KCNH8: variants seen among roughly 807,000 people sequenced by gnomAD.
The protein encoded by KCNH8 is voltage-gated delayed rectifier potassium channel KCNH8.
KCNH8 carries 70 observed loss-of-function variants against 103.6 expected under a neutral mutation model. The ratio of observed to expected loss-of-function variants is 0.68; its 90% confidence interval spans 0.56 to 0.82. The LOEUF is 0.82. Among genes scored for constraint, KCNH8 ranks in the 40% least tolerant of loss-of-function variants. KCNH8 has a pLI of 0.00. For synonymous variants in KCNH8, 498 were observed against 489.4 expected (o/e 1.02, Z -0.23); for missense variants, 1,217 against 1,329.9 (o/e 0.92, Z 1.32).
chr3:19,160,616 G>T (rs1275085355), intron 1 of KCNH8, among the ~76,000 whole-genome samples: 1 of 152,066 alleles, frequency 6.6e-6, no homozygotes, highest in Non-Finnish European at 1.5e-5. Flanking sequence ...TGCTTTCCAT[G>T]ATTTCAATTA....
At chr3:19,451,016 A>G in intron 9 of KCNH8, 139 bp from the exon 10 acceptor site, 1 of 760,868 alleles carries the variant, frequency 1.3e-6, no homozygotes, top group Non-Finnish European at 2.2e-6. Flanking sequence ...AGGATTATAC[A>G]TACTTAGATT....
intron 3 of KCNH8, among the ~76,000 whole-genome samples, chr3:19,292,662 C>T (rs929035611): frequency 1.3e-5 from 2 of 152,154 alleles, no homozygotes; most frequent in African/African-American, 4.8e-5. Context: ...TACTGGTGGG[C>T]ACTCAGGCTC....
At chr3:19,332,288 C>G (rs960819161) in intron 3 of KCNH8, among the ~76,000 whole-genome samples, 1 of 152,150 alleles carries the variant, frequency 6.6e-6, no homozygotes, top group Admixed American at 6.6e-5. Flanking sequence ...CCTACTACTG[C>G]TAGTCTGTTC....
chr3:19,414,239 A>G (rs1470579946), intron 7 of KCNH8, among the ~76,000 whole-genome samples: 1 of 152,140 alleles, frequency 6.6e-6, no homozygotes, highest in Non-Finnish European at 1.5e-5. Flanking sequence ...TTTCTCAACT[A>G]GAGTTTGGAG....
intron 3 of KCNH8, among the ~76,000 whole-genome samples, chr3:19,326,871 A>G (rs2065431249): frequency 6.6e-6 from 1 of 152,100 alleles, no homozygotes; most frequent in South Asian, 2.1e-4. Flanking sequence ...TTCATATGGT[A>G]TTGGCTGGAT....
At chr3:19,351,398 C>T (rs2065800123) in intron 5 of KCNH8, among the ~76,000 whole-genome samples, 2 of 152,088 alleles carry the variant, frequency 1.3e-5, no homozygotes, top group African/African-American at 4.8e-5. Context: ...CACAGACGTA[C>T]ACCTCAAGAA....
chr3:19,215,539 G>A (rs2063810111), intron 1 of KCNH8, among the ~76,000 whole-genome samples: 1 of 152,168 alleles, frequency 6.6e-6, no homozygotes, highest in African/African-American at 2.4e-5. Context: ...ACAGGTCTTG[G>A]ATCTAATTGT....
intron 2 of KCNH8, among the ~76,000 whole-genome samples, chr3:19,277,494 A>G (rs559831542): frequency 6.6e-6 from 1 of 152,186 alleles, no homozygotes; most frequent in Admixed American, 6.5e-5. Flanking sequence ...ACTCTAAAGT[A>G]GGCTGTGATC....
At chr3:19,394,453 C>A (rs1384856571) in intron 6 of KCNH8, among the ~76,000 whole-genome samples, 1 of 151,438 alleles carries the variant, frequency 6.6e-6, no homozygotes, top group African/African-American at 2.4e-5. Flanking sequence ...ATTTTAATTC[C>A]CTAAGCATGT....
chr3:19,473,953 T>A (rs1436956189), intron 11 of KCNH8, among the ~76,000 whole-genome samples: 1 of 152,208 alleles, frequency 6.6e-6, no homozygotes. Flanking sequence ...GAATTATGCT[T>A]TTTGTCCAGG....
chr3:19,280,944 A>G (rs1056782689), intron 2 of KCNH8, among the ~76,000 whole-genome samples: 1 of 152,132 alleles, frequency 6.6e-6, no homozygotes, highest in Non-Finnish European at 1.5e-5. Context: ...ATGTAAGCAG[A>G]AATGTCTCAG....
chr3:19,322,377 G>A (rs1055513975), intron 3 of KCNH8, among the ~76,000 whole-genome samples: 1 of 152,098 alleles, frequency 6.6e-6, no homozygotes, highest in African/African-American at 2.4e-5. Flanking sequence ...TGTAGTGCTG[G>A]CTTTGCAGTG....
At chr3:19,266,138 G>A (rs1441251614) in intron 2 of KCNH8, among the ~76,000 whole-genome samples, 2 of 151,944 alleles carry the variant, frequency 1.3e-5, no homozygotes, top group South Asian at 2.1e-4. Context: ...GGGGTGCCTC[G>A]TTGCCTTTCA....
At chr3:19,199,511 G>A (rs1421024061) in intron 1 of KCNH8, among the ~76,000 whole-genome samples, 1 of 150,700 alleles carries the variant, frequency 6.6e-6, no homozygotes, top group Non-Finnish European at 1.5e-5. Context: ...AATTCATGAA[G>A]CAGAAATGTA....
At chr3:19,295,213 G>A (rs1411440323) in intron 3 of KCNH8, among the ~76,000 whole-genome samples, 1 of 151,712 alleles carries the variant, frequency 6.6e-6, no homozygotes, top group Non-Finnish European at 1.5e-5. Context: ...GACACTGTCT[G>A]TACAAAACAT....
Position 19,456,926 on chromosome 3 carries a change from G to A in KCNH8, c.1984G>A (p.Val662Met), listed in dbSNP as rs780804433. The change falls in exon 11 of 16, where the codon GTG (valine) becomes ATG (methionine). Residue 662 changes from valine to methionine, a missense_variant. Around this residue, in one of 3 missense-constraint regions of KCNH8, gnomAD observed 415 missense variants for 577.4 expected, o/e 0.72. Transcript: ENST00000328405. The part of the protein sequence containing the change: ...DLYPEYAHKF[V>M]EDIQHDLTYN... ...TTACCCAGAATATGCTCACAAATTCGTGGAAGACATTCAGCATGACCTCAC... is the reference window on the plus strand; with the variant it reads ...TTACCCAGAATATGCTCACAAATTCATGGAAGACATTCAGCATGACCTCAC... 2.2e-5 allele frequency: 36 copies of A among 1,612,270 alleles called. 1 individual carries two copies. The highest frequency in any genetic ancestry group is 1.0e-4 in the Admixed American group (6 of 59,770).
chr3:19,449,218 C>T (rs1335521716), intron 8 of KCNH8, among the ~76,000 whole-genome samples: 1 of 151,410 alleles, frequency 6.6e-6, no homozygotes, highest in African/African-American at 2.4e-5. Flanking sequence ...GGGACAGGCT[C>T]AAAGGGCAGG....
At chr3:19,177,307 G>A (rs2063410124) in intron 1 of KCNH8, among the ~76,000 whole-genome samples, 1 of 152,038 alleles carries the variant, frequency 6.6e-6, no homozygotes. Context: ...GCAAATAATT[G>A]TAAAAGATTC....
chr3:19,268,439 A>G (rs533255036), intron 2 of KCNH8, among the ~76,000 whole-genome samples: 2 of 152,216 alleles, frequency 1.3e-5, no homozygotes, highest in African/African-American at 4.8e-5. Context: ...AGAGAAGGCC[A>G]GTTTAGCTGG....
Sources: gnomAD v4.1 joint callset for allele counts (sites outside exome capture counted in the v4.1 genomes callset) on GRCh38, gnomAD v4.1.1 for gene constraint, gnomAD v4.1.1 regional missense constraint, MANE v1.5 for transcripts, NCBI Gene and HGNC (gene_info 2026-07-23, HGNC 2026-07-21) for gene names.